Variants in SHROOM3 observed in about 807,000 individuals in gnomAD.
The protein encoded by SHROOM3 is shroom family member 3.
A neutral mutation model predicts 138.6 loss-of-function variants in SHROOM3; 47 were observed. That is an observed-to-expected ratio of 0.34 (90% CI 0.27 to 0.43). The LOEUF (loss-of-function observed/expected upper bound fraction) is 0.43. SHROOM3 is among the 20% of genes least tolerant of loss of function. SHROOM3 has a pLI of 1.00. For missense variants in SHROOM3, 2,491 were observed against 2,596.5 expected (o/e 0.96, Z 0.88); for synonymous variants, 1,062 against 1,063.3 (o/e 1.00, Z 0.02).
intron 2 of SHROOM3, among the ~76,000 whole-genome samples, chr4:76,696,595 G>A (rs1371115477): frequency 2.0e-5 from 3 of 152,160 alleles, no homozygotes; most frequent in Admixed American, 2.0e-4. Flanking sequence ...AGGCTGGCCT[G>A]GCCTGGCGTC....
At chr4:76,676,911 C>T (rs1363944264) in intron 2 of SHROOM3, among the ~76,000 whole-genome samples, 1 of 145,630 alleles carries the variant, frequency 6.9e-6, no homozygotes, top group Admixed American at 6.9e-5. Context: ...CCACTGCACT[C>T]CAGCCTGGGC....
intron 2 of SHROOM3, among the ~76,000 whole-genome samples, chr4:76,681,016 T>A (rs1719176381): frequency 6.6e-6 from 1 of 152,322 alleles, no homozygotes; most frequent in Non-Finnish European, 1.5e-5. Flanking sequence ...TGTAGTGATT[T>A]CTCTTTGCCT....
chr4:76,519,343 A>C (rs1732514088), intron 1 of SHROOM3, among the ~76,000 whole-genome samples: 1 of 152,200 alleles, frequency 6.6e-6, no homozygotes. Context: ...GTTTACTCCT[A>C]AATGTTCAGA....
At chr4:76,686,674 A>G (rs1383723270) in intron 2 of SHROOM3, among the ~76,000 whole-genome samples, 3 of 152,166 alleles carry the variant, frequency 2.0e-5, no homozygotes, top group Non-Finnish European at 4.4e-5. Context: ...ATCTATATGA[A>G]TCAGACCCTC....
chr4:76,632,933 C>G (rs946453531), intron 2 of SHROOM3, among the ~76,000 whole-genome samples: 31 of 152,038 alleles, frequency 2.0e-4, no homozygotes, highest in Non-Finnish European at 7.4e-5. Flanking sequence ...AAGAAAAACC[C>G]AGTATTTATA....
chr4:76,447,498 A>G (rs372119835), intron 1 of SHROOM3, among the ~76,000 whole-genome samples: 2 of 152,222 alleles, frequency 1.3e-5, no homozygotes, highest in African/African-American at 2.4e-5. Context: ...CAGACCCAGG[A>G]TCTGGCTGCA....
intron 1 of SHROOM3, among the ~76,000 whole-genome samples, chr4:76,452,154 T>C (rs1260566357): frequency 6.6e-6 from 1 of 152,264 alleles, no homozygotes; most frequent in African/African-American, 2.4e-5. Flanking sequence ...ATAAGTTTAC[T>C]TCAGATATTT....
intron 2 of SHROOM3, among the ~76,000 whole-genome samples, chr4:76,684,757 G>T (rs1719290813): frequency 6.6e-6 from 1 of 152,282 alleles, no homozygotes. Context: ...GGGCTCACTG[G>T]CCTATTTACG....
rs550892713 is a variant in SHROOM3 at position 76,665,087 on chromosome 4, T to C, written c.324-45069T>C. On this transcript the variant is annotated intron_variant, in intron 2 of 10. Transcript: ENST00000296043. ...TCCCACCTCAAAGGGGTTCTAAGGA[T>C]TTTACAGTTCTTACCAGGGTTTCCA... Among the ~76,000 whole-genome samples the C allele has an allele frequency of 2.6e-5, 4 of 152,220 alleles. No homozygotes were observed. The South Asian group carries it at 6.2e-4, about 24-fold the overall frequency.
intron 2 of SHROOM3, chr4:76,689,816 T>C: frequency 5.4e-6 from 5 of 925,432 alleles, no homozygotes; most frequent in Non-Finnish European, 6.5e-6. Flanking sequence ...GTCTGGAGGA[T>C]GGCTCCCAGG....
chr4:76,603,354 G>A (rs181151102), intron 2 of SHROOM3, among the ~76,000 whole-genome samples: 16 of 152,152 alleles, frequency 1.1e-4, no homozygotes, highest in African/African-American at 3.6e-4. Context: ...GGAGGTGGAG[G>A]TTGCAGTGAG....
intron 2 of SHROOM3, among the ~76,000 whole-genome samples, chr4:76,659,278 C>T (rs1021372425): frequency 1.3e-5 from 2 of 152,184 alleles, no homozygotes; most frequent in Non-Finnish European, 2.9e-5. Context: ...TCCCTACTTA[C>T]AGGTGGAACT....
intron 1 of SHROOM3, among the ~76,000 whole-genome samples, chr4:76,445,384 A>G (rs1241217272): frequency 1.3e-5 from 2 of 152,034 alleles, no homozygotes; most frequent in African/African-American, 2.4e-5. Flanking sequence ...TATTATTAAG[A>G]AAAAAAATAC....
intron 2 of SHROOM3, among the ~76,000 whole-genome samples, chr4:76,657,597 A>G (rs903044): frequency 0.29 from 43,428 of 151,896 alleles, 6,359 homozygotes; most frequent in East Asian, 0.43. Context: ...CTGCTCTCCT[A>G]ATGTTCCCAA....
intron 5 of SHROOM3, among the ~76,000 whole-genome samples, chr4:76,747,845 TATAAAGA>T (rs1309761467): frequency 2.6e-5 from 4 of 152,330 alleles, no homozygotes; most frequent in Non-Finnish European, 5.9e-5. Flanking sequence ...CCATTCAACC[TATAAAGA>T]TTCCATGGCA....
chr4:76,666,872 T>A (rs1481384542), intron 2 of SHROOM3, among the ~76,000 whole-genome samples: 1 of 152,196 alleles, frequency 6.6e-6, no homozygotes, highest in Non-Finnish European at 1.5e-5. Context: ...TATAAACATT[T>A]AATGGCCTAT....
At chr4:76,471,167 AATGT>A (rs2109981993) in intron 1 of SHROOM3, among the ~76,000 whole-genome samples, 1 of 152,306 alleles carries the variant, frequency 6.6e-6, no homozygotes. Flanking sequence ...TTTGTCTGAA[AATGT>A]ATGTCTTTTT....
chr4:76,462,556 G>A (rs758013858), intron 1 of SHROOM3, among the ~76,000 whole-genome samples: 15 of 152,178 alleles, frequency 9.9e-5, no homozygotes, highest in Non-Finnish European at 2.2e-4. Context: ...GGGAGGGACT[G>A]GTTATGGGTG....
intron 2 of SHROOM3, among the ~76,000 whole-genome samples, chr4:76,635,627 G>C (rs1276418168): frequency 6.6e-6 from 1 of 152,154 alleles, no homozygotes. Context: ...TGGAGAAATG[G>C]AACAACAGCC....
Sources: gnomAD v4.1 joint callset for allele counts (sites outside exome capture counted in the v4.1 genomes callset) on GRCh38, gnomAD v4.1.1 for gene constraint, MANE v1.5 for transcripts, NCBI Gene and HGNC (gene_info 2026-07-23, HGNC 2026-07-21) for gene names.